The following SRGAP2C variants were observed in gnomAD, a reference collection of about 807,000 sequenced individuals.
SRGAP2C encodes the protein SLIT-ROBO Rho GTPase-activating protein 2C.
SRGAP2C carries 15 observed loss-of-function variants against 25.1 expected under a neutral mutation model. The ratio of observed to expected loss-of-function variants is 0.60; its 90% CI spans 0.40 to 0.92. SRGAP2C has a LOEUF of 0.92. SRGAP2C is among the 40% of genes least tolerant of loss of function. The pLI is 0.00. For missense variants in SRGAP2C, 144 were observed against 264.4 expected, an observed-to-expected ratio of 0.54 and a Z score of 3.16; for synonymous variants, 44 against 96.6, an observed-to-expected ratio of 0.46 and a Z score of 3.19.
At chr1:121,198,366 T>A (rs1207901678) in intron 2 of SRGAP2C, among the ~76,000 whole-genome samples, 1 of 139,656 alleles carries the variant, frequency 7.2e-6, no homozygotes, top group Non-Finnish European at 1.6e-5. Flanking sequence ...CAGAAATCAC[T>A]GTGAAAGTTG....
intron 2 of SRGAP2C, among the ~76,000 whole-genome samples, chr1:121,282,875 G>A (rs1298986760): frequency 4.0e-5 from 6 of 150,910 alleles, no homozygotes; most frequent in East Asian, 3.9e-4. Flanking sequence ...CTTACTGAAC[G>A]GATGGAATTT....
intron 4 of SRGAP2C, among the ~76,000 whole-genome samples, chr1:121,345,793 A>G (rs1441229632): frequency 6.6e-6 from 1 of 150,602 alleles, no homozygotes; most frequent in African/African-American, 2.4e-5. Context: ...CTGGGATTAT[A>G]GTATGTGCCA....
intron 2 of SRGAP2C, among the ~76,000 whole-genome samples, chr1:121,248,071 CT>C (rs1402321903): frequency 4.3e-5 from 3 of 69,692 alleles, no homozygotes; most frequent in Admixed American, 1.9e-4. Context: ...GGACATTCAG[CT>C]GCCATCTTGT....
chr1:121,191,753 C>T (rs1364089732), intron 2 of SRGAP2C, among the ~76,000 whole-genome samples: 1 of 151,418 alleles, frequency 6.6e-6, no homozygotes, highest in South Asian at 2.1e-4. Flanking sequence ...TTTACCCTCT[C>T]TATACCTTGA....
chr1:121,270,094 G>C (rs1175233904), intron 2 of SRGAP2C, among the ~76,000 whole-genome samples: 1 of 140,472 alleles, frequency 7.1e-6, no homozygotes, highest in Non-Finnish European at 1.6e-5. Context: ...TGTTTTGATT[G>C]ATCTACTGGG....
At chr1:121,309,039 G>C (rs1657915773) in intron 3 of SRGAP2C, among the ~76,000 whole-genome samples, 1 of 131,754 alleles carries the variant, frequency 7.6e-6, no homozygotes, top group Non-Finnish European at 1.6e-5. Context: ...AGATGTATTT[G>C]TCTTTTCAGA....
chr1:121,279,560 G>A (rs1367790370), intron 2 of SRGAP2C, among the ~76,000 whole-genome samples: 1 of 151,798 alleles, frequency 6.6e-6, no homozygotes, highest in East Asian at 1.9e-4. Flanking sequence ...TTTTCTGCCA[G>A]TTGCATGCTT....
chr1:121,315,486 T>A (rs1658076794), intron 3 of SRGAP2C, among the ~76,000 whole-genome samples: 1 of 151,250 alleles, frequency 6.6e-6, no homozygotes, highest in African/African-American at 2.4e-5. Context: ...TCCAGATTCC[T>A]TAAGGACCTG....
chr1:121,269,898 T>A (rs1422284002), intron 2 of SRGAP2C, among the ~76,000 whole-genome samples: 1 of 151,104 alleles, frequency 6.6e-6, no homozygotes, highest in Non-Finnish European at 1.5e-5. Context: ...TTCGTGTTTT[T>A]AAACTTCCTT....
At chr1:121,255,475 T>G (rs1656437504) in intron 2 of SRGAP2C, among the ~76,000 whole-genome samples, 2 of 151,700 alleles carry the variant, frequency 1.3e-5, no homozygotes, top group Admixed American at 1.3e-4. Context: ...TCTGATGTCC[T>G]AGTATTTTTT....
chr1:121,222,861 G>A (rs1452235251), intron 2 of SRGAP2C, among the ~76,000 whole-genome samples: 1 of 151,068 alleles, frequency 6.6e-6, no homozygotes, highest in Non-Finnish European at 1.5e-5. Context: ...GGAGCTAAAC[G>A]TGGCTTCCTC....
At chr1:121,250,934 C>T (rs1370773259) in intron 2 of SRGAP2C, among the ~76,000 whole-genome samples, 1 of 143,690 alleles carries the variant, frequency 7.0e-6, no homozygotes, top group East Asian at 2.0e-4. Flanking sequence ...AAGCTGGATA[C>T]TTAAGAGTTG....
chr1:121,308,768 G>C lies in SRGAP2C; in HGVS notation c.261-15710G>C, dbSNP rs1416207360. Among the ~76,000 whole-genome samples the C allele has an allele frequency of 1.2e-4, 18 of 148,348 alleles. No homozygotes were observed. In the East Asian group the frequency reaches 3.4e-3, roughly 28 times the overall value. On this transcript the variant is annotated intron_variant, in intron 3 of 9. Transcript: ENST00000367123. ...AGCCTGACCAACATGGAGAAACCCT[G>C]TCTCTACTAAAAAACACAAAATTAG...
At chr1:121,273,458 T>C (rs1657026986) in intron 2 of SRGAP2C, among the ~76,000 whole-genome samples, 1 of 135,406 alleles carries the variant, frequency 7.4e-6, no homozygotes, top group Non-Finnish European at 1.6e-5. Flanking sequence ...GAACAGTACC[T>C]GTCACAAGGT....
chr1:121,235,158 G>C (rs1201912368), intron 2 of SRGAP2C, among the ~76,000 whole-genome samples: 3 of 143,884 alleles, frequency 2.1e-5, no homozygotes, highest in Non-Finnish European at 4.5e-5. Flanking sequence ...CTCCCGAGTA[G>C]CTGGGACTAC....
chr1:121,218,651 G>T (rs1655454751), intron 2 of SRGAP2C, among the ~76,000 whole-genome samples: 1 of 150,254 alleles, frequency 6.7e-6, no homozygotes, highest in South Asian at 2.1e-4. Flanking sequence ...GGAGGCTAAG[G>T]CACGAGAATC....
intron 2 of SRGAP2C, among the ~76,000 whole-genome samples, chr1:121,279,893 G>A (rs1303253504): frequency 3.4e-5 from 5 of 145,068 alleles, no homozygotes; most frequent in East Asian, 2.0e-4. Flanking sequence ...TCATACACAC[G>A]GGGAAATGGA....
intron 3 of SRGAP2C, among the ~76,000 whole-genome samples, chr1:121,321,906 A>G (rs1658213727): frequency 6.6e-6 from 1 of 152,058 alleles, no homozygotes; most frequent in African/African-American, 2.4e-5. Context: ...TCTGAGGTCT[A>G]CCTTTCTGAG....
chr1:121,272,342 G>T (rs1553335400), intron 2 of SRGAP2C, among the ~76,000 whole-genome samples: 1 of 151,372 alleles, frequency 6.6e-6, no homozygotes, highest in African/African-American at 2.4e-5. Flanking sequence ...TTTGCCCAAG[G>T]TCACACATAG....
Sources: allele counts gnomAD v4.1 joint callset (sites outside exome capture counted in the v4.1 genomes callset), GRCh38; gene constraint gnomAD v4.1.1; transcripts MANE v1.5; gene names NCBI Gene and HGNC (gene_info 2026-07-23, HGNC 2026-07-21).